SLC1A3: variants seen among roughly 807,000 people sequenced by gnomAD.
SLC1A3 encodes excitatory amino acid transporter 1.
In SLC1A3, 21 loss-of-function variants were observed where a neutral mutation model predicts 48.1. The observed-to-expected ratio is 0.44, with a 90% confidence interval of 0.31 to 0.63. The LOEUF (loss-of-function observed/expected upper bound fraction) is 0.63. Among genes scored for constraint, SLC1A3 ranks in the 20% least tolerant of loss-of-function variants. SLC1A3 has a pLI of 0.08. For missense variants in SLC1A3, 546 were observed against 689.0 expected (o/e 0.79, Z 2.32); for synonymous variants, 239 against 251.4 (o/e 0.95, Z 0.47).
At chr5:36,642,754 A>G (rs867728165) in intron 3 of SLC1A3, among the ~76,000 whole-genome samples, 1 of 152,196 alleles carries the variant, frequency 6.6e-6, no homozygotes, top group Middle Eastern at 3.4e-3. Flanking sequence ...ACTCTAGTCT[A>G]CTTTCTTTCT....
chr5:36,667,779 A>G (rs1403209915), intron 3 of SLC1A3: 1 of 152,222 alleles, frequency 6.6e-6, no homozygotes, highest in African/African-American at 2.4e-5. Flanking sequence ...ACTTATAACA[A>G]TAGTACAATA....
intron 3 of SLC1A3, among the ~76,000 whole-genome samples, chr5:36,651,209 C>G (rs1035274849): frequency 2.7e-5 from 4 of 150,294 alleles, no homozygotes; most frequent in African/African-American, 9.8e-5. Flanking sequence ...CTTGGCCCCT[C>G]CTTGGGTTCC....
At chr5:36,661,035 A>G (rs1341900149) in intron 3 of SLC1A3, among the ~76,000 whole-genome samples, 1 of 151,550 alleles carries the variant, frequency 6.6e-6, no homozygotes. Flanking sequence ...CATTTTGCAC[A>G]CTCTTTTTAC....
At position 36,608,502 on chromosome 5, in the gene SLC1A3, C is replaced by A; in HGVS notation, c.79C>A (p.Leu27Ile). The A allele has an allele frequency of 6.2e-7, 1 of 1,614,020 alleles. No homozygotes were observed. The highest frequency in any genetic ancestry group is 1.3e-5 in the African/African-American group (1 of 75,032). The change falls in exon 2 of 10, where the codon CTT becomes ATT. Residue 27 changes from leucine to isoleucine, a missense_variant. Transcript: ENST00000265113. ...CCAGCAGGGAGTCCGTAAACGCACA[C>A]TTTTGGCCAAGAAGAAAGTGCAGAA... Reference protein sequence around the residue: ...RFQQGVRKRTLLAKKKVQNIT... With the variant: ...RFQQGVRKRTILAKKKVQNIT...
chr5:36,630,187 G>C (rs1740083392), intron 3 of SLC1A3: 1 of 155,912 alleles, frequency 6.4e-6, no homozygotes, highest in South Asian at 1.9e-4. Flanking sequence ...GGGGGCGGGA[G>C]ATTTTCCCAT....
chr5:36,642,830 C>A (rs1740670082), intron 3 of SLC1A3, among the ~76,000 whole-genome samples: 2 of 152,134 alleles, frequency 1.3e-5, no homozygotes, highest in South Asian at 4.1e-4. Flanking sequence ...TCCTTTGTGA[C>A]TGGCTTTTTT....
At chr5:36,649,365 A>T (rs1245139411) in intron 3 of SLC1A3, 1 of 150,918 alleles carries the variant, frequency 6.6e-6, no homozygotes, top group Non-Finnish European at 1.5e-5. Context: ...AAAAAAAAAA[A>T]AAGATTCTCT....
At chr5:36,666,386 G>A (rs949503743) in intron 3 of SLC1A3, 4 of 152,024 alleles carry the variant, frequency 2.6e-5, no homozygotes, top group Admixed American at 6.6e-5. Context: ...GTGGAGAAGG[G>A]GTACATCTAA....
At chr5:36,661,398 CGA>C (rs1171189200) in intron 3 of SLC1A3, among the ~76,000 whole-genome samples, 2 of 152,120 alleles carry the variant, frequency 1.3e-5, no homozygotes, top group Non-Finnish European at 2.9e-5. Flanking sequence ...GGCAACAGAG[CGA>C]GACTCCGTCT....
At chr5:36,670,965 A>T in intron 3 of SLC1A3, 64 bp from the exon 4 acceptor site, 1 of 1,407,696 alleles carries the variant, frequency 7.1e-7, no homozygotes, top group South Asian at 1.2e-5. Context: ...TGCTGTTCCC[A>T]TTGTTTTCCA....
intron 5 of SLC1A3, among the ~76,000 whole-genome samples, chr5:36,675,390 C>T (rs1051217015): frequency 6.6e-6 from 1 of 152,136 alleles, no homozygotes; most frequent in Admixed American, 6.5e-5. Context: ...AGTCAGCTGG[C>T]CCTGTGTGAT....
At chr5:36,650,124 G>A (rs1741001146) in intron 3 of SLC1A3, among the ~76,000 whole-genome samples, 1 of 152,142 alleles carries the variant, frequency 6.6e-6, no homozygotes, top group African/African-American at 2.4e-5. Context: ...TGTAGAGGCG[G>A]GTGGGGAAAC....
At chr5:36,597,355 T>C (rs1467440320) in intron 1 of SLC1A3, among the ~76,000 whole-genome samples, 2 of 144,632 alleles carry the variant, frequency 1.4e-5, no homozygotes, top group Admixed American at 1.4e-4. Flanking sequence ...CACGCCATTC[T>C]CCTGCCTCAG....
intron 2 of SLC1A3, among the ~76,000 whole-genome samples, chr5:36,624,154 CTT>C (rs1739807369): frequency 6.6e-6 from 1 of 152,206 alleles, no homozygotes; most frequent in Non-Finnish European, 1.5e-5. Context: ...TGAAAAATGA[CTT>C]TTGTTGATTC....
At position 36,686,356 on chromosome 5, in the gene SLC1A3, G is replaced by A; in HGVS notation, c.*87G>A. The A allele has an allele frequency of 9.8e-7, 1 of 1,020,938 alleles. No individual in the cohort carries two copies. The highest frequency in any genetic ancestry group is 1.5e-6 in the Non-Finnish European group (1 of 646,208). The allele number at this position is 1,020,938 out of a possible 1,614,324, so 63.2% of individuals were successfully genotyped here. ...ATCTCATTACAGCTCATTCGCTCCAGCAAGCCCGTCATCTTCCCTTTCCTC... is the reference window on the plus strand; with the variant it reads ...ATCTCATTACAGCTCATTCGCTCCAACAAGCCCGTCATCTTCCCTTTCCTC... On this transcript the variant is annotated 3_prime_UTR_variant, in exon 10 of 10. Transcript: ENST00000265113.
At position 36,628,527 on chromosome 5, in the gene SLC1A3, A is replaced by G. The variant is rs113201344; in HGVS notation, c.182-923A>G. 1.1e-3 allele frequency among the ~76,000 whole-genome samples: 169 copies of G among 152,344 alleles called. 2 individuals carry two copies. The highest frequency in any genetic ancestry group is 3.7e-3 in the African/African-American group (155 of 41,578). On this transcript the variant is annotated intron_variant, in intron 2 of 9. Coordinates refer to ENST00000265113, the MANE Select transcript of SLC1A3 (RefSeq NM_004172.5). ...TGGAATCACATGTTTCAGTAATAAT[A>G]GCAAGGCAAAAACTTTAAAAACATT... is the stretch of plus-strand genomic sequence containing the variant.
chr5:36,650,936 T>A (rs1741034844), intron 3 of SLC1A3, among the ~76,000 whole-genome samples: 2 of 152,138 alleles, frequency 1.3e-5, no homozygotes, highest in Non-Finnish European at 2.9e-5. Context: ...CAAAATAAGC[T>A]TATACACATG....
At chr5:36,681,939 T>C (rs1173096470) in intron 8 of SLC1A3, among the ~76,000 whole-genome samples, 4 of 152,224 alleles carry the variant, frequency 2.6e-5, no homozygotes, top group Non-Finnish European at 4.4e-5. Flanking sequence ...GTTGAAACAA[T>C]ATTATACCAA....
intron 3 of SLC1A3, among the ~76,000 whole-genome samples, chr5:36,648,340 T>C (rs891189): frequency 0.42 from 64,131 of 152,062 alleles, 15,188 homozygotes; most frequent in East Asian, 0.54. Context: ...TCAAGAAACC[T>C]TTTTATTAAC....
Sources: allele counts gnomAD v4.1 joint callset (sites outside exome capture counted in the v4.1 genomes callset), GRCh38; gene constraint gnomAD v4.1.1; transcripts MANE v1.5; gene names NCBI Gene and HGNC (gene_info 2026-07-23, HGNC 2026-07-21).